CCDC38: variants seen among roughly 807,000 people sequenced by gnomAD.
CCDC38 encodes the protein coiled-coil domain containing 38.
Under a neutral mutation model 72.8 loss-of-function variants are expected in CCDC38, and 69 were observed. The observed-to-expected ratio is 0.95, with a 90% CI of 0.78 to 1.16. The LOEUF (loss-of-function observed/expected upper bound fraction) is 1.16. CCDC38 is among the 50% of genes most tolerant of loss of function. CCDC38 has a pLI of 0.00. For synonymous variants in CCDC38, 201 were observed against 213.2 expected (o/e 0.94, Z 0.50); for missense variants, 626 against 638.9 (o/e 0.98, Z 0.22).
At chr12:95,913,880 C>A (rs74689681) in intron 4 of CCDC38, among the ~76,000 whole-genome samples, 2,528 of 151,996 alleles carry the variant, frequency 0.017, 73 homozygotes, top group African/African-American at 0.058. Context: ...CTGCACCCAC[C>A]GAGAACTTCG....
chr12:95,878,212 T>C lies in CCDC38; in HGVS notation c.1277A>G (p.Gln426Arg), dbSNP rs563823772. Reference sequence around the variant, plus strand: ...CACCATAGGCAAAGAGTGATTTACCTGAGCATCTGAATTAAATTCTCCAAA... The same window carrying C: ...CACCATAGGCAAAGAGTGATTTACCCGAGCATCTGAATTAAATTCTCCAAA... ...FSFGEFNSDA[Q>R]EILIDSLSKK... is the part of the protein sequence containing the mutation. Residue 426 changes from glutamine (Q) to arginine (R), a missense_variant and splice_region_variant, in exon 13 of 16, where the codon CAG becomes CGG. Physicochemically the swap from Gln to Arg is conservative, Grantham distance 43. Coordinates refer to ENST00000344280, the MANE Select transcript of CCDC38 (RefSeq NM_182496.3). 11 of 1,612,942 alleles carry C rather than the reference T, an allele frequency of 6.8e-6. No individual in the cohort carries two copies. The East Asian group carries it at 2.0e-4, about 29-fold the overall frequency.
intron 1 of CCDC38, among the ~76,000 whole-genome samples, chr12:95,941,703 C>G (rs1048139449): frequency 2.6e-5 from 4 of 152,134 alleles, no homozygotes; most frequent in Non-Finnish European, 5.9e-5. Context: ...GAATTAGTGA[C>G]TTTATGTGTT....
In CCDC38 at chr12:95,912,391, C is replaced by T. The variant is rs527279738; in HGVS notation, c.304+4738G>A. Reference sequence around the variant, plus strand: ...AATTTAAGAATTTAAATACTCATCCCTACGTGGAAGCTAAAAAAGTTGACC... The same window carrying T: ...AATTTAAGAATTTAAATACTCATCCTTACGTGGAAGCTAAAAAAGTTGACC... On this transcript the variant is annotated intron_variant, in intron 4 of 15. Coordinates refer to ENST00000344280, the MANE Select transcript of CCDC38 (RefSeq NM_182496.3). Among the ~76,000 whole-genome samples the T allele has an allele frequency of 5.3e-5, 8 of 152,126 alleles. No individual in the cohort carries two copies. The South Asian group carries it at 8.3e-4, about 16-fold the overall frequency.
In CCDC38 at chr12:95,937,158, T is replaced by G. The variant is rs369627660; in HGVS notation, c.-14-635A>C. Among the ~76,000 whole-genome samples, 19 of 152,320 alleles carry G rather than the reference T, an allele frequency of 1.2e-4. No individual in the cohort carries two copies. The East Asian group carries it at 2.7e-3, about 22-fold the overall frequency. ...ATATTTTTATAAAATTCCAAATAAA[T>G]GCAGGAAATTCTATAATGAACAAAA... On this transcript the variant is annotated intron_variant, in intron 1 of 15. Coordinates refer to ENST00000344280, the MANE Select transcript of CCDC38 (RefSeq NM_182496.3).
At chr12:95,875,530 A>T (rs556801846) in intron 13 of CCDC38, among the ~76,000 whole-genome samples, 1 of 152,178 alleles carries the variant, frequency 6.6e-6, no homozygotes, top group South Asian at 2.1e-4. Flanking sequence ...TGTCAATTAT[A>T]CCTCAATAAC....
At chr12:95,884,869 T>G (rs2079739764) in intron 10 of CCDC38, among the ~76,000 whole-genome samples, 1 of 152,214 alleles carries the variant, frequency 6.6e-6, no homozygotes, top group African/African-American at 2.4e-5. Context: ...AATAAAAATA[T>G]ATATATTTTT....
intron 12 of CCDC38, among the ~76,000 whole-genome samples, chr12:95,878,937 ATTTGT>A (rs1281158858): frequency 6.6e-6 from 1 of 152,204 alleles, no homozygotes; most frequent in Non-Finnish European, 1.5e-5. Context: ...GAACAAATTA[ATTTGT>A]TTTGAAGTTA....
In CCDC38 at chr12:95,895,049, G is replaced by A. The variant is rs1037512166; in HGVS notation, c.712C>T (p.Leu238=). The A allele has an allele frequency of 1.2e-6, 2 of 1,613,054 alleles. No homozygotes were observed. Among genetic ancestry groups the A allele is most frequent in the African/African-American group, 2.7e-5 (2 of 74,858 alleles). Reference sequence around the variant, plus strand: ...CTTTTTGATGCCTGTGCTCTTTTTAGTGCTTGCTGGATTTGCCAATGTTTT... The same window carrying A: ...CTTTTTGATGCCTGTGCTCTTTTTAATGCTTGCTGGATTTGCCAATGTTTT... ...SPKHWQIQQA[L]KRAQASKSKA... is the part of the protein sequence containing the mutation. Residue 238 remains leucine, a synonymous_variant, in exon 8 of 16, where the codon CTA becomes TTA. Transcript: ENST00000344280.
intron 13 of CCDC38, among the ~76,000 whole-genome samples, chr12:95,877,321 A>G (rs1592755476): frequency 6.6e-6 from 1 of 152,330 alleles, no homozygotes; most frequent in African/African-American, 2.4e-5. Flanking sequence ...CTTAGAAGGT[A>G]TATAAGCTCT....
intron 9 of CCDC38, among the ~76,000 whole-genome samples, chr12:95,889,794 C>T (rs1388857015): frequency 6.6e-6 from 1 of 152,056 alleles, no homozygotes; most frequent in Non-Finnish European, 1.5e-5. Flanking sequence ...GAGATCAGAC[C>T]CCTCCCACAA....
At chr12:95,928,209 C>T (rs1379538003) in intron 2 of CCDC38, among the ~76,000 whole-genome samples, 1 of 151,998 alleles carries the variant, frequency 6.6e-6, no homozygotes, top group Non-Finnish European at 1.5e-5. Context: ...TTCACATAGT[C>T]CCATATTTCT....
At chr12:95,918,598 G>A (rs1447198580) in intron 3 of CCDC38, among the ~76,000 whole-genome samples, 3 of 152,202 alleles carry the variant, frequency 2.0e-5, no homozygotes, top group Non-Finnish European at 4.4e-5. Context: ...GGAGATGTGT[G>A]TGTTGGAATC....
At chr12:95,940,038 A>T (rs552569886) in intron 1 of CCDC38, among the ~76,000 whole-genome samples, 2 of 152,338 alleles carry the variant, frequency 1.3e-5, no homozygotes, top group East Asian at 3.9e-4. Flanking sequence ...ATTTTCAAAC[A>T]CAGATAATAT....
intron 8 of CCDC38, among the ~76,000 whole-genome samples, chr12:95,891,940 G>A (rs1197028041): frequency 6.6e-6 from 1 of 152,046 alleles, no homozygotes; most frequent in Non-Finnish European, 1.5e-5. Context: ...TCCTATCCTG[G>A]AGTAGTGGCA....
intron 2 of CCDC38, among the ~76,000 whole-genome samples, chr12:95,925,811 G>A (rs1367586235): frequency 6.6e-6 from 1 of 150,960 alleles, no homozygotes; most frequent in African/African-American, 2.4e-5. Context: ...TGTGGTTTTT[G>A]TCTTTGGTTC....
chr12:95,936,346 G>T, intron 2 of CCDC38, 127 bp downstream of exon 2: 2 of 773,144 alleles, frequency 2.6e-6, no homozygotes, highest in South Asian at 5.7e-5. Flanking sequence ...TTCTCTGCAG[G>T]TAGTTTATAA....
chr12:95,925,468 C>T (rs2080258956), intron 2 of CCDC38, among the ~76,000 whole-genome samples: 1 of 151,752 alleles, frequency 6.6e-6, no homozygotes, highest in South Asian at 2.1e-4. Context: ...TCTAGATATA[C>T]AATCAAGTCA....
chr12:95,869,423 T>G (rs996542760), intron 15 of CCDC38, 57 bp downstream of exon 15: 75 of 1,301,092 alleles, frequency 5.8e-5, no homozygotes, highest in Non-Finnish European at 7.4e-5. Flanking sequence ...AAGTATTTTG[T>G]TTTTGTATTT....
At chr12:95,899,579 G>A (rs539618776) in intron 5 of CCDC38, among the ~76,000 whole-genome samples, 9 of 152,158 alleles carry the variant, frequency 5.9e-5, no homozygotes, top group South Asian at 2.1e-4. Context: ...GATTACAGGC[G>A]TGAGCCACCA....
Sources: allele counts gnomAD v4.1 joint callset (sites outside exome capture counted in the v4.1 genomes callset), GRCh38; gene constraint gnomAD v4.1.1; transcripts MANE v1.5; gene names NCBI Gene and HGNC (gene_info 2026-07-23, HGNC 2026-07-21).